RYR1: variants seen among roughly 807,000 people sequenced by gnomAD.
RYR1 encodes the protein central core disease of muscle.
RYR1 carries 342 observed loss-of-function variants against 583.5 expected under a neutral mutation model. The observed-to-expected ratio is 0.59, with a 90% CI of 0.54 to 0.64. The LOEUF (loss-of-function observed/expected upper bound fraction) is 0.64, where lower values mean the gene tolerates loss of function less well. Among genes scored for constraint, RYR1 ranks in the 30% least tolerant of loss-of-function variants. RYR1 has a pLI of 0.00. For synonymous variants in RYR1, 2,791 were observed against 2,822.5 expected, an observed-to-expected ratio of 0.99 and a Z score of 0.35; for missense variants, 6,032 against 6,917.2, an observed-to-expected ratio of 0.87 and a Z score of 4.54.
At chr19:38,446,350 A>G in intron 7 of RYR1, 122 bp from the exon 8 acceptor site, 1 of 763,256 alleles carries the variant, frequency 1.3e-6, no homozygotes. Context: ...TCCAACTGCA[A>G]AACCCCAAAC....
chr19:38,496,937 G>T lies in RYR1; in HGVS notation c.6874G>T (p.Glu2292Ter). The change falls in exon 42 of 106, where the codon GAG becomes TAG. Residue 2292 changes from glutamate to a stop codon, truncating the protein, a stop_gained. Transcript: ENST00000359596. LOFTEE classifies it high-confidence loss of function. This position sits in a 1 kb window ranked among gnomAD's most constrained non-coding sequence, Gnocchi z 4.8. ...DNNELALALQ[E>*]QDLEKVVSYL... ...CAATGAGCTGGCCTTGGCATTGCAG[G>T]AGCAGGACCTGGAAAAGGTGTGGAG... 6.2e-7 allele frequency: 1 copy of T among 1,613,548 alleles called. No homozygotes were observed. The highest frequency in any genetic ancestry group is 1.1e-5 in the South Asian group (1 of 91,056).
At position 38,499,019 on chromosome 19, in the gene RYR1, G is replaced by T. The variant is rs188930458; in HGVS notation, c.6892-89G>T. 314 of 1,383,240 alleles carry T rather than the reference G, an allele frequency of 2.3e-4. No individual in the cohort carries two copies. Among genetic ancestry groups the T allele is most frequent in the Non-Finnish European group, 2.9e-4 (299 of 1,028,098 alleles). 85.7% of individuals were successfully genotyped at this position (1,383,240 alleles called of 1,614,324 possible). A position where few individuals can be genotyped will look rare whatever the true frequency, so the allele number is the denominator to read the frequency against. Reference sequence around the variant, plus strand: ...CAGAGCTGAACCGGACTGAGGAGCCGCAGGGCAGGGCAGGGCAGGGCAGAG... The same window carrying T: ...CAGAGCTGAACCGGACTGAGGAGCCTCAGGGCAGGGCAGGGCAGGGCAGAG... On this transcript the variant is annotated intron_variant, in intron 42 of 105. Transcript: ENST00000359596. This position sits in a 1 kb window ranked among gnomAD's most constrained non-coding sequence, Gnocchi z 7.3.
intron 92 of RYR1, among the ~76,000 whole-genome samples, chr19:38,567,279 T>A (rs1973485991): frequency 1.3e-5 from 2 of 151,964 alleles, no homozygotes; most frequent in African/African-American, 4.8e-5. Context: ...TGAGCCCTGA[T>A]CGCAGCATTG....
At chr19:38,487,436 C>T (rs1158056545) in intron 34 of RYR1, among the ~76,000 whole-genome samples, 1 of 152,134 alleles carries the variant, frequency 6.6e-6, no homozygotes, top group Non-Finnish European at 1.5e-5. Context: ...TCACTGCAAC[C>T]TCCGCTTCCC....
At chr19:38,534,072 C>T (rs947927074) in intron 78 of RYR1, among the ~76,000 whole-genome samples, 1 of 142,460 alleles carries the variant, frequency 7.0e-6, no homozygotes, top group Admixed American at 7.5e-5. Context: ...AGTGCAGTGG[C>T]GTGATCTCAG....
intron 78 of RYR1, 90 bp from the exon 79 acceptor site, chr19:38,534,630 G>A (rs1971884184): frequency 9.0e-7 from 1 of 1,116,414 alleles, no homozygotes. Flanking sequence ...GGATGTGGCT[G>A]GAACAGGGAG....
intron 13 of RYR1, among the ~76,000 whole-genome samples, chr19:38,453,237 A>G (rs1253767462): frequency 6.7e-6 from 1 of 148,662 alleles, no homozygotes; most frequent in East Asian, 2.0e-4. Flanking sequence ...GGTGGGCAGG[A>G]CCTTTGGGAA....
At position 38,496,649 on chromosome 19, in the gene RYR1, C is replaced by T; in HGVS notation, c.6796+108C>T. The T allele has an allele frequency of 7.1e-7, 1 of 1,410,396 alleles. No individual in the cohort carries two copies. The highest frequency in any genetic ancestry group is 1.2e-5 in the South Asian group (1 of 85,272). 87.4% of individuals were successfully genotyped at this position (1,410,396 alleles called of 1,614,324 possible). ...CACTCATTCAACAAACACTCCCTCT[C>T]AACTGTGGTTCTGGCCCTGTAATGA... On this transcript the variant is annotated intron_variant, in intron 41 of 105. Transcript: ENST00000359596. This position sits in a 1 kb window ranked among gnomAD's most constrained non-coding sequence, Gnocchi z 4.8.
intron 81 of RYR1, 162 bp from the exon 82 acceptor site, chr19:38,535,835 C>A: frequency 1.4e-6 from 1 of 734,082 alleles, no homozygotes; most frequent in South Asian, 1.5e-5. Flanking sequence ...ACCATATGTC[C>A]TAGCTTCTGC....
intron 16 of RYR1, among the ~76,000 whole-genome samples, chr19:38,457,166 A>G (rs1283549423): frequency 6.6e-6 from 1 of 151,676 alleles, no homozygotes; most frequent in Non-Finnish European, 1.5e-5. Flanking sequence ...CTGATTTAAA[A>G]TTTCATCTTG....
intron 89 of RYR1, among the ~76,000 whole-genome samples, chr19:38,559,176 T>C (rs1973009688): frequency 6.6e-6 from 1 of 151,012 alleles, no homozygotes. Flanking sequence ...GAGCAAAGTC[T>C]AGGAGTGAAT....
chr19:38,516,082 T>TCCAGGCTTCGG lies in RYR1; in HGVS notation c.9555_9565dup. 1 of 1,547,838 alleles carries TCCAGGCTTCGG rather than the reference T, an allele frequency of 6.5e-7. No homozygotes were observed. Among genetic ancestry groups the TCCAGGCTTCGG allele is most frequent in the Non-Finnish European group, 8.7e-7 (1 of 1,145,902 alleles). ...GTGGCAGCTAAACACAGCCCCGTCT[T>TCCAGGCTTCGG]CCAGGCTTCGGCCAGCCCTCGGGGA... On this transcript the variant is annotated splice_polypyrimidine_tract_variant and splice_region_variant and intron_variant, in intron 64 of 105. Transcript: ENST00000359596.
rs761224660 is a variant in RYR1 at position 38,499,700 on chromosome 19, G to A, written c.7093G>A (p.Gly2365Arg). The change falls in exon 44 of 106, where the codon GGA becomes AGA. Residue 2365 changes from glycine (G) to arginine (R), a missense_variant. Physicochemically the swap from Gly to Arg is moderately radical, Grantham distance 125 (BLOSUM62 -2). Coordinates refer to ENST00000359596, the MANE Select transcript of RYR1 (RefSeq NM_000540.3). The surrounding 1 kb of genome is among the most constrained non-coding windows in gnomAD (Gnocchi z 7.3). ...RLLIRKPECFGPALRGEGGSG... is the reference protein window; with the variant it reads ...RLLIRKPECFRPALRGEGGSG... ...GCTCATCCGGAAGCCTGAGTGCTTC[G>A]GACCCGCCCTGCGGGGTGAGGGTGG... is the stretch of plus-strand genomic sequence containing the variant. 23 of 1,600,910 alleles carry A rather than the reference G, an allele frequency of 1.4e-5. No homozygotes were observed. The highest frequency in any genetic ancestry group is 2.2e-5 in the South Asian group (2 of 90,888).
rs1969112819 is a variant in RYR1, at chr19:38,483,372, AGATGCT to A, written c.4796_4801del (p.Leu1599_Met1600del). On this transcript the variant is annotated inframe_deletion, in exon 33 of 106. Coordinates refer to ENST00000359596, the MANE Select transcript of RYR1 (RefSeq NM_000540.3). The surrounding 1 kb of genome is among the most constrained non-coding windows in gnomAD (Gnocchi z 6.3). ...CAGTGCCCACCGCGGCTGGAGATGC[AGATGCT>A]GATGCCAGTGTCCTGGAGCCGCATG... The A allele has an allele frequency of 6.4e-7, 1 of 1,565,054 alleles. No individual in the cohort carries two copies. The highest frequency in any genetic ancestry group is 8.7e-7 in the Non-Finnish European group (1 of 1,155,420).
Position 38,455,513 on chromosome 19 carries a change from G to T in RYR1, c.1639G>T (p.Val547Phe). ...CTTCTCCACAAACTTGGACTGGCTG[G>T]TCAGCAAGCTGGATCGGCTGGAGGC... is the stretch of plus-strand genomic sequence containing the variant. Reference protein sequence around the residue: ...ALFSTNLDWLVSKLDRLEASS... With the variant: ...ALFSTNLDWLFSKLDRLEASS... The change falls in exon 15 of 106, where the codon GTC (valine) becomes TTC (phenylalanine). Residue 547 changes from valine to phenylalanine, a missense_variant. By Grantham distance (50) the Val-to-Phe change is conservative. This residue lies in a region of RYR1 where 2,627 missense variants were observed against 2,961.3 expected (regional missense o/e 0.89). Coordinates refer to ENST00000359596, the MANE Select transcript of RYR1 (RefSeq NM_000540.3). 6.2e-7 allele frequency: 1 copy of T among 1,614,150 alleles called. No homozygotes were observed. The highest frequency in any genetic ancestry group is 8.5e-7 in the Non-Finnish European group (1 of 1,180,028).
In RYR1 at chr19:38,496,159, A is replaced by T; in HGVS notation, c.6549-56A>T. The T allele has an allele frequency of 7.1e-7, 1 of 1,401,304 alleles. No homozygotes were observed. The highest frequency in any genetic ancestry group is 1.0e-6 in the Non-Finnish European group (1 of 991,070). The allele number at this position is 1,401,304 out of a possible 1,614,324, so 86.8% of individuals were successfully genotyped here. A position where few individuals can be genotyped will look rare whatever the true frequency, so the allele number is the denominator to read the frequency against. On this transcript the variant is annotated intron_variant, in intron 39 of 105. Transcript: ENST00000359596. The surrounding 1 kb of genome is among the most constrained non-coding windows in gnomAD (Gnocchi z 4.8). Reference sequence around the variant, plus strand: ...TGCCAACGCTGTCACAGTGGTGGCTATGGCCCTCTCCGGACCTGGGCCCCT... The same window carrying T: ...TGCCAACGCTGTCACAGTGGTGGCTTTGGCCCTCTCCGGACCTGGGCCCCT...
Position 38,587,515 on chromosome 19 carries a change from G to A in RYR1, c.*95G>A. ...AGCCCCTCCCCCTAAGGCAGCTGGGGGAGAGGTGACCTAGTACTGGAAAAT... is the reference window on the plus strand; with the variant it reads ...AGCCCCTCCCCCTAAGGCAGCTGGGAGAGAGGTGACCTAGTACTGGAAAAT... On this transcript the variant is annotated 3_prime_UTR_variant, in exon 106 of 106. Coordinates refer to ENST00000359596, the MANE Select transcript of RYR1 (RefSeq NM_000540.3). The A allele has an allele frequency of 1.1e-6, 1 of 901,630 alleles. No homozygotes were observed. The highest frequency in any genetic ancestry group is 1.8e-6 in the Non-Finnish European group (1 of 541,246). 55.9% of individuals were successfully genotyped at this position (901,630 alleles called of 1,614,324 possible). A position where few individuals can be genotyped will look rare whatever the true frequency, so the allele number is the denominator to read the frequency against.
chr19:38,546,556 C>T (rs367780546), intron 88 of RYR1, 30 bp downstream of exon 88: 98 of 1,585,534 alleles, frequency 6.2e-5, no homozygotes, highest in Middle Eastern at 1.7e-4. Context: ...GGTGAGGGAA[C>T]AGTAAAGAGG....
chr19:38,510,207 G>A (rs1282379225), intron 58 of RYR1, among the ~76,000 whole-genome samples: 1 of 152,074 alleles, frequency 6.6e-6, no homozygotes, highest in Non-Finnish European at 1.5e-5. Flanking sequence ...TGTAATCCCA[G>A]CTACTTGGGA....
Sources: gnomAD v4.1 joint callset for allele counts (sites outside exome capture counted in the v4.1 genomes callset) on GRCh38, gnomAD v4.1.1 for gene constraint, gnomAD v4.1.1 regional missense constraint, Gnocchi (gnomAD v3.1) non-coding constraint, MANE v1.5 for transcripts, NCBI Gene and HGNC (gene_info 2026-07-23, HGNC 2026-07-21) for gene names.